The following PTPN2 variants were observed in gnomAD, a reference collection of about 807,000 sequenced individuals.
The protein encoded by PTPN2 is tyrosine-protein phosphatase non-receptor type 2.
PTPN2 carries 19 observed loss-of-function variants against 57.3 expected under a neutral mutation model. The ratio of observed to expected loss-of-function variants is 0.33; its 90% confidence interval spans 0.23 to 0.49. The LOEUF (loss-of-function observed/expected upper bound fraction) is 0.49. Among genes scored for constraint, PTPN2 ranks in the 20% least tolerant of loss-of-function variants. The pLI is 0.99. For synonymous variants in PTPN2, 153 were observed against 164.9 expected, an observed-to-expected ratio of 0.93 and a Z score of 0.55; for missense variants, 358 against 501.1, an observed-to-expected ratio of 0.71 and a Z score of 2.73.
intron 1 of PTPN2, among the ~76,000 whole-genome samples, chr18:12,865,149 T>A (rs1598875394): frequency 6.6e-6 from 1 of 152,142 alleles, no homozygotes; most frequent in Non-Finnish European, 1.5e-5. Flanking sequence ...TATAGGATGG[T>A]CTTGAAAGAA....
chr18:12,814,761 C>T (rs1429179561), intron 6 of PTPN2, among the ~76,000 whole-genome samples: 1 of 151,994 alleles, frequency 6.6e-6, no homozygotes, highest in East Asian at 1.9e-4. Context: ...GTCTGCACTA[C>T]AGACACGATG....
chr18:12,849,191 G>A (rs193133460), intron 2 of PTPN2, among the ~76,000 whole-genome samples: 1 of 152,182 alleles, frequency 6.6e-6, no homozygotes, highest in African/African-American at 2.4e-5. Context: ...TCCTCAGCAA[G>A]GACTTTAAAT....
chr18:12,820,607 GC>G, intron 5 of PTPN2, among the ~76,000 whole-genome samples: 1 of 152,228 alleles, frequency 6.6e-6, no homozygotes, highest in African/African-American at 2.4e-5. Context: ...AACTGTGGAA[GC>G]ACCCTTTTCT....
At chr18:12,853,814 T>C (rs1014742521) in intron 2 of PTPN2, among the ~76,000 whole-genome samples, 1 of 152,136 alleles carries the variant, frequency 6.6e-6, no homozygotes, top group Non-Finnish European at 1.5e-5. Context: ...AAGGGGTCAA[T>C]CTCCAAAAAG....
intron 5 of PTPN2, among the ~76,000 whole-genome samples, chr18:12,820,469 G>A (rs74384940): frequency 0.011 from 1,646 of 151,686 alleles, 25 homozygotes; most frequent in East Asian, 0.056. Context: ...TCTTTTTCAC[G>A]CAGGAAAAAA....
chr18:12,823,785 T>C (rs2042352205), intron 5 of PTPN2, among the ~76,000 whole-genome samples: 1 of 152,222 alleles, frequency 6.6e-6, no homozygotes. Context: ...TTTTTTATAA[T>C]ATAAAATACG....
intron 7 of PTPN2, among the ~76,000 whole-genome samples, chr18:12,806,186 A>G (rs2041643668): frequency 6.6e-6 from 1 of 152,218 alleles, no homozygotes. Context: ...CTAACAAACT[A>G]TCTGAAAAAA....
chr18:12,876,368 G>T (rs1222848376), intron 1 of PTPN2, among the ~76,000 whole-genome samples: 2 of 127,044 alleles, frequency 1.6e-5, no homozygotes, highest in African/African-American at 7.0e-5. Context: ...TCGGGAGGCT[G>T]AGGCAAAGGA....
At chr18:12,877,781 G>A (rs1484112470) in intron 1 of PTPN2, among the ~76,000 whole-genome samples, 2 of 152,170 alleles carry the variant, frequency 1.3e-5, no homozygotes, top group African/African-American at 4.8e-5. Context: ...GGAGGCCGAG[G>A]CAGGTGGATC....
chr18:12,816,984 T>A (rs940197729), intron 6 of PTPN2, among the ~76,000 whole-genome samples, 172 bp downstream of exon 6: 3 of 152,110 alleles, frequency 2.0e-5, no homozygotes, highest in Non-Finnish European at 4.4e-5. Flanking sequence ...CAGTCATGAA[T>A]AAGAGGCAGT....
At chr18:12,874,834 T>C (rs2044431287) in intron 1 of PTPN2, among the ~76,000 whole-genome samples, 1 of 151,744 alleles carries the variant, frequency 6.6e-6, no homozygotes, top group Admixed American at 6.6e-5. Context: ...GAACAGGCCA[T>C]GATGACAATG....
chr18:12,822,125 A>C (rs2042290455), intron 5 of PTPN2, among the ~76,000 whole-genome samples: 1 of 152,112 alleles, frequency 6.6e-6, no homozygotes. Context: ...GTTAGGAGAG[A>C]CCTAAGTAAG....
At chr18:12,873,682 C>G (rs1360607771) in intron 1 of PTPN2, among the ~76,000 whole-genome samples, 16 of 145,326 alleles carry the variant, frequency 1.1e-4, no homozygotes, top group South Asian at 2.2e-4. Flanking sequence ...CCAAAGTGCC[C>G]AGAGTGCAGC....
intron 9 of PTPN2, chr18:12,786,835 T>C (rs2145194552): frequency 6.6e-6 from 1 of 152,332 alleles, no homozygotes; most frequent in Non-Finnish European, 1.5e-5. Context: ...GTCCTTTTTT[T>C]CTCTGATTAT....
chr18:12,786,769 C>G (rs2040854346), intron 9 of PTPN2: 1 of 152,190 alleles, frequency 6.6e-6, no homozygotes, highest in South Asian at 2.1e-4. Context: ...TTAGGCTACT[C>G]CCTTTAAAGA....
chr18:12,814,974 C>T (rs1302630765), intron 6 of PTPN2, among the ~76,000 whole-genome samples: 3 of 151,964 alleles, frequency 2.0e-5, no homozygotes, highest in Non-Finnish European at 4.4e-5. Flanking sequence ...ATCCCAGCTA[C>T]ATTGGAGGCT....
intron 3 of PTPN2, among the ~76,000 whole-genome samples, chr18:12,834,147 T>C (rs1029306717): frequency 7.9e-5 from 12 of 152,186 alleles, no homozygotes; most frequent in Admixed American, 5.9e-4. Context: ...AGCAACATGG[T>C]GAAACCTTGT....
At chr18:12,825,993 T>A in intron 4 of PTPN2, 49 bp from the exon 5 acceptor site, 1 of 1,451,196 alleles carries the variant, frequency 6.9e-7, no homozygotes, top group South Asian at 1.3e-5. Context: ...ATAGACATCA[T>A]GAAACCATAA....
intron 5 of PTPN2, among the ~76,000 whole-genome samples, chr18:12,822,040 AATG>A: frequency 6.6e-6 from 1 of 152,314 alleles, no homozygotes; most frequent in East Asian, 1.9e-4. Context: ...CAAGCAGTAG[AATG>A]ATAAAATTTA....
Sources: gnomAD v4.1 joint callset for allele counts (sites outside exome capture counted in the v4.1 genomes callset) on GRCh38, gnomAD v4.1.1 for gene constraint, MANE v1.5 for transcripts, NCBI Gene and HGNC (gene_info 2026-07-23, HGNC 2026-07-21) for gene names.